Variants in SRRM3 observed in about 807,000 individuals in gnomAD.
SRRM3 encodes the protein serine/arginine repetitive matrix 3, also known as serine/arginine repetitive matrix protein 3.
In SRRM3, 27 loss-of-function variants were observed where a neutral mutation model predicts 66.2. The ratio of observed to expected loss-of-function variants is 0.41; its 90% confidence interval spans 0.30 to 0.56. The LOEUF (loss-of-function observed/expected upper bound fraction) is 0.56. Among genes scored for constraint, SRRM3 ranks in the 20% least tolerant of loss-of-function variants. The probability of loss-of-function intolerance (pLI) is 0.32; values close to 1 mark genes in which losing one functional copy is unlikely to be tolerated. For missense variants in SRRM3, 918 were observed against 991.9 expected (o/e 0.93, Z 1.00); for synonymous variants, 391 against 414.9 (o/e 0.94, Z 0.70).
In SRRM3 at chr7:76,235,027, GGGCCAGCGGCCCA is replaced by G. The variant is rs1458523937; in HGVS notation, c.-29_-17del. On this transcript the variant is annotated splice_region_variant and 5_prime_UTR_variant, in exon 2 of 15. Coordinates refer to ENST00000611745, the MANE Select transcript of SRRM3 (RefSeq NM_001110199.3). ...GCCTCGTGTCTGTGTCTGTCCCTCA[GGGCCAGCGGCCCA>G]GGCCAGCGGCTCCAGGGCCAGCCAC... 8.0e-6 allele frequency: 12 copies of G among 1,505,310 alleles called. No homozygotes were observed. Among genetic ancestry groups the G allele is most frequent in the South Asian group, 6.3e-5 (5 of 79,526 alleles). 93.2% of individuals were successfully genotyped at this position (1,505,310 alleles called of 1,614,324 possible). A position where few individuals can be genotyped will look rare whatever the true frequency, so the allele number is the denominator to read the frequency against.
chr7:76,280,584 C>T lies in SRRM3; in HGVS notation c.1009-857C>T, dbSNP rs1159359310. Among the ~76,000 whole-genome samples the T allele has an allele frequency of 9.4e-4, 142 of 151,200 alleles. 1 individual carries two copies. Among genetic ancestry groups the T allele is most frequent in the Middle Eastern group, 3.4e-3 (1 of 294 alleles). ...CCCCTTTGGCCCCCGCCCCCCACCGCTCCGTCCCTCTTGTGTTTTGCATGC... is the reference window on the plus strand; with the variant it reads ...CCCCTTTGGCCCCCGCCCCCCACCGTTCCGTCCCTCTTGTGTTTTGCATGC... On this transcript the variant is annotated intron_variant, in intron 11 of 14. Coordinates refer to ENST00000611745, the MANE Select transcript of SRRM3 (RefSeq NM_001110199.3).
At chr7:76,249,524 G>C (rs1801521548) in intron 3 of SRRM3, among the ~76,000 whole-genome samples, 2 of 152,234 alleles carry the variant, frequency 1.3e-5, no homozygotes, top group African/African-American at 4.8e-5. Context: ...TATTGTCTCA[G>C]ATCAGAGGCG....
intron 11 of SRRM3, among the ~76,000 whole-genome samples, chr7:76,277,724 A>C (rs1554611335): frequency 6.8e-6 from 1 of 147,524 alleles, no homozygotes; most frequent in African/African-American, 2.5e-5. Context: ...AACAAAAAAA[A>C]AAAAAAAAAA....
intron 1 of SRRM3, among the ~76,000 whole-genome samples, chr7:76,232,057 G>A (rs911251658): frequency 6.6e-6 from 1 of 152,140 alleles, no homozygotes; most frequent in Non-Finnish European, 1.5e-5. Flanking sequence ...CTTGCAGGCC[G>A]TATCAAGGAC....
Position 76,286,317 on chromosome 7 carries a change from G to A in SRRM3, c.*474G>A, listed in dbSNP as rs1229764194. On this transcript the variant is annotated 3_prime_UTR_variant, in exon 15 of 15. Transcript: ENST00000611745. ...ACTCCTCTCTTATCACTGGGCAGAC[G>A]AGGAGGTGGTACAGCACATGGGTTT... 1.7e-5 allele frequency: 3 copies of A among 171,586 alleles called. No homozygotes were observed. The highest frequency in any genetic ancestry group is 6.1e-5 in the Admixed American group (1 of 16,324). 10.6% of individuals were successfully genotyped at this position (171,586 alleles called of 1,614,324 possible). A position where few individuals can be genotyped will look rare whatever the true frequency, so the allele number is the denominator to read the frequency against.
intron 11 of SRRM3, chr7:76,268,229 G>A (rs1217471453): frequency 6.6e-6 from 1 of 152,444 alleles, no homozygotes; most frequent in Non-Finnish European, 1.5e-5. Flanking sequence ...AGAGGAGAGA[G>A]ACGTCTCAGC....
At chr7:76,223,699 G>T (rs1800778805) in intron 1 of SRRM3, among the ~76,000 whole-genome samples, 1 of 152,062 alleles carries the variant, frequency 6.6e-6, no homozygotes, top group South Asian at 2.1e-4. Flanking sequence ...TCTCTGGAAG[G>T]TCTCATCCTG....
At chr7:76,260,243 GTC>G (rs1466584005) in intron 5 of SRRM3, 46 bp downstream of exon 5, 9 of 1,438,414 alleles carry the variant, frequency 6.3e-6, no homozygotes, top group Non-Finnish European at 7.5e-6. Context: ...AGGAGGTGGG[GTC>G]TCTCCCCGGA....
chr7:76,216,206 G>A (rs971452895), intron 1 of SRRM3, among the ~76,000 whole-genome samples: 5 of 151,558 alleles, frequency 3.3e-5, no homozygotes, highest in African/African-American at 4.9e-5. Context: ...CCCCAGCCTC[G>A]ACCTCCCAAA....
At chr7:76,222,009 C>T (rs752169041) in intron 1 of SRRM3, among the ~76,000 whole-genome samples, 8 of 152,314 alleles carry the variant, frequency 5.3e-5, no homozygotes, top group Admixed American at 1.3e-4. Flanking sequence ...TAAGTCACTA[C>T]GCACACATAG....
At chr7:76,206,083 C>A (rs1800296077) in intron 1 of SRRM3, among the ~76,000 whole-genome samples, 1 of 152,144 alleles carries the variant, frequency 6.6e-6, no homozygotes. Context: ...TCACGGCTCA[C>A]TGCAGCCTTG....
At chr7:76,230,428 T>A (rs1800985468) in intron 1 of SRRM3, among the ~76,000 whole-genome samples, 1 of 151,998 alleles carries the variant, frequency 6.6e-6, no homozygotes, top group Non-Finnish European at 1.5e-5. Context: ...AGCAGGAAGA[T>A]CACTTGAGCC....
chr7:76,216,194 TC>T (rs1287077996), intron 1 of SRRM3, among the ~76,000 whole-genome samples: 2 of 151,752 alleles, frequency 1.3e-5, no homozygotes, highest in African/African-American at 2.4e-5. Context: ...CCTCAGGTGA[TC>T]CCCCAGCCTC....
chr7:76,232,916 A>G (rs782371671), intron 1 of SRRM3, among the ~76,000 whole-genome samples: 1 of 152,072 alleles, frequency 6.6e-6, no homozygotes, highest in Non-Finnish European at 1.5e-5. Flanking sequence ...CCAGGCAACC[A>G]CAGAGAGGCA....
intron 1 of SRRM3, among the ~76,000 whole-genome samples, chr7:76,225,353 T>G (rs1340437308): frequency 6.6e-6 from 1 of 152,140 alleles, no homozygotes; most frequent in Non-Finnish European, 1.5e-5. Flanking sequence ...GCTGTGGGAA[T>G]CTGTACCTTT....
chr7:76,213,906 AC>A (rs1554602175), intron 1 of SRRM3, among the ~76,000 whole-genome samples: 1 of 152,016 alleles, frequency 6.6e-6, no homozygotes, highest in African/African-American at 2.4e-5. Flanking sequence ...AGTAGCTGGG[AC>A]TACAGGTGCA....
intron 1 of SRRM3, among the ~76,000 whole-genome samples, chr7:76,230,054 C>T (rs1554604114): frequency 6.6e-6 from 1 of 152,040 alleles, no homozygotes; most frequent in Non-Finnish European, 1.5e-5. Flanking sequence ...GTTTCACCTT[C>T]TTAGATTCTT....
At chr7:76,278,888 CTG>C (rs1397309561) in intron 11 of SRRM3, among the ~76,000 whole-genome samples, 1 of 152,222 alleles carries the variant, frequency 6.6e-6, no homozygotes, top group African/African-American at 2.4e-5. Flanking sequence ...GCCAAGGAAA[CTG>C]TGCTCCTTCC....
chr7:76,252,046 T>C lies in SRRM3; in HGVS notation c.335+3757T>C, dbSNP rs139182251. ...AGATCACGCAACCACACTACAGCCT[T>C]GGCAACAGAATAAGGCTCTGTCTCA... On this transcript the variant is annotated intron_variant, in intron 3 of 14. Coordinates refer to ENST00000611745, the MANE Select transcript of SRRM3 (RefSeq NM_001110199.3). Among the ~76,000 whole-genome samples the C allele has an allele frequency of 3.4e-3, 512 of 152,104 alleles. 3 individuals are homozygous for C. The highest frequency in any genetic ancestry group is 0.012 in the African/African-American group (489 of 41,494).
Sources: gnomAD v4.1 joint callset for allele counts (sites outside exome capture counted in the v4.1 genomes callset) on GRCh38, gnomAD v4.1.1 for gene constraint, MANE v1.5 for transcripts, NCBI Gene and HGNC (gene_info 2026-07-23, HGNC 2026-07-21) for gene names.